The following AHCTF1 variants were observed in gnomAD, a reference collection of about 807,000 sequenced individuals.
AHCTF1 encodes the protein protein ELYS.
In AHCTF1, 24 loss-of-function variants were observed where a neutral mutation model predicts 248.4. That is an observed-to-expected ratio of 0.10 (90% CI 0.07 to 0.14). AHCTF1 has a LOEUF of 0.14. Among genes scored for constraint, AHCTF1 ranks in the 10% least tolerant of loss-of-function variants. The pLI is 1.00. For synonymous variants in AHCTF1, 786 were observed against 929.8 expected (o/e 0.85, Z 2.81); for missense variants, 2,206 against 2,636.2 (o/e 0.84, Z 3.57).
intron 33 of AHCTF1, among the ~76,000 whole-genome samples, chr1:246,844,228 G>A (rs747098665): frequency 7.2e-5 from 11 of 152,132 alleles, no homozygotes; most frequent in South Asian, 4.1e-4. Context: ...CTTTTAATCC[G>A]TACTGCTCCT....
chr1:246,857,229 C>T (rs1661171066), intron 30 of AHCTF1, among the ~76,000 whole-genome samples: 1 of 152,150 alleles, frequency 6.6e-6, no homozygotes, highest in Non-Finnish European at 1.5e-5. Flanking sequence ...GGTAAAGTGT[C>T]AATGAAAATT....
chr1:246,869,117 A>G (rs372299704), intron 24 of AHCTF1, among the ~76,000 whole-genome samples: 21 of 151,952 alleles, frequency 1.4e-4, no homozygotes, highest in African/African-American at 5.1e-4. Context: ...GTGCTGGATT[A>G]CAGGCGTGAG....
At chr1:246,905,998 T>C (rs189364695) in intron 5 of AHCTF1, among the ~76,000 whole-genome samples, 11 of 152,280 alleles carry the variant, frequency 7.2e-5, no homozygotes, top group African/African-American at 2.6e-4. Flanking sequence ...TGCATTCATG[T>C]CTGTGTAAAC....
intron 27 of AHCTF1, among the ~76,000 whole-genome samples, chr1:246,862,463 G>A (rs552867179): frequency 6.6e-6 from 1 of 150,776 alleles, no homozygotes; most frequent in Admixed American, 6.6e-5. Context: ...CTGGGCGACA[G>A]AGCAAGACTC....
At chr1:246,871,590 G>A (rs999878498) in intron 24 of AHCTF1, among the ~76,000 whole-genome samples, 6 of 152,178 alleles carry the variant, frequency 3.9e-5, no homozygotes, top group African/African-American at 1.4e-4. Context: ...GAGTTAAAGA[G>A]GCTAACAGCC....
At chr1:246,919,650 T>C (rs1160214418) in intron 1 of AHCTF1, among the ~76,000 whole-genome samples, 1 of 148,208 alleles carries the variant, frequency 6.7e-6, no homozygotes, top group Admixed American at 6.7e-5. Context: ...GAGGTGGAGG[T>C]TGCAGTGAGC....
rs994999534 is a variant in AHCTF1 at position 246,849,840 on chromosome 1, T to G, written c.6166A>C (p.Ser2056Arg). The G allele has an allele frequency of 2.5e-6, 4 of 1,613,968 alleles. No homozygotes were observed. Among genetic ancestry groups the G allele is most frequent in the Non-Finnish European group, 3.4e-6 (4 of 1,179,830 alleles). ...KKLTKKTESQ[S>R]QKRSLHSVSE... is the part of the protein sequence containing the mutation. ...ACTGAGTGCAATGAACGTTTTTGGCTTTGACTTTCAGTCTTTTTTGTAAGT... is the reference window on the plus strand; with the variant it reads ...ACTGAGTGCAATGAACGTTTTTGGCGTTGACTTTCAGTCTTTTTTGTAAGT... The change falls in exon 33 of 36, where the codon AGC (serine) becomes CGC (arginine). Residue 2056 changes from serine to arginine, a missense_variant. Transcript: ENST00000648844.
chr1:246,844,491 T>A (rs1660105229), intron 33 of AHCTF1, among the ~76,000 whole-genome samples: 1 of 152,006 alleles, frequency 6.6e-6, no homozygotes, highest in African/African-American at 2.4e-5. Context: ...GAGGCTGAGG[T>A]AGGAGGACGG....
At chr1:246,860,352 T>C (rs963700296) in intron 29 of AHCTF1, among the ~76,000 whole-genome samples, 2 of 152,246 alleles carry the variant, frequency 1.3e-5, no homozygotes, top group South Asian at 4.1e-4. Flanking sequence ...AGTCAGACTA[T>C]GGCATCTTAC....
chr1:246,922,536 C>T (rs1215779554), intron 1 of AHCTF1, among the ~76,000 whole-genome samples: 26 of 151,172 alleles, frequency 1.7e-4, no homozygotes, highest in Non-Finnish European at 2.7e-4. Context: ...AGCAATCTCT[C>T]GTCTCGTGCC....
intron 16 of AHCTF1, 119 bp from the exon 17 acceptor site, chr1:246,890,178 G>A: frequency 3.4e-6 from 2 of 584,020 alleles, no homozygotes; most frequent in South Asian, 5.0e-5. Flanking sequence ...CCACAGGGTG[G>A]GTATATTTAG....
At chr1:246,868,188 G>C (rs1662160322) in intron 24 of AHCTF1, among the ~76,000 whole-genome samples, 2 of 151,222 alleles carry the variant, frequency 1.3e-5, no homozygotes, top group South Asian at 2.1e-4. Flanking sequence ...GAGTGCAGTG[G>C]CACAATCTTG....
chr1:246,850,167 C>T lies in AHCTF1; in HGVS notation c.5839G>A (p.Asp1947Asn). The T allele has an allele frequency of 6.2e-7, 1 of 1,613,934 alleles. No individual in the cohort carries two copies. Among genetic ancestry groups the T allele is most frequent in the East Asian group, 2.2e-5 (1 of 44,880 alleles). ...RVRGREVSPS[D>N]VREDSNLESS... is the part of the protein sequence containing the mutation. The stretch of plus-strand genomic sequence containing the variant: ...TCAAGGTTGGAGTCTTCTCTCACAT[C>T]TGATGGACTAACTTCTCTCCCTCTG... The change falls in exon 33 of 36, where the codon GAT becomes AAT. Residue 1947 changes from aspartate (D) to asparagine (N), a missense_variant. Transcript: ENST00000648844.
chr1:246,858,787 G>A (rs1211926427), intron 29 of AHCTF1, among the ~76,000 whole-genome samples: 21 of 144,004 alleles, frequency 1.5e-4, no homozygotes, highest in Admixed American at 2.8e-4. Flanking sequence ...CAACAAGAGC[G>A]AAACTCTGTC....
At chr1:246,848,804 C>G (rs1329361166) in intron 33 of AHCTF1, among the ~76,000 whole-genome samples, 2 of 151,954 alleles carry the variant, frequency 1.3e-5, no homozygotes, top group East Asian at 3.9e-4. Flanking sequence ...GAGCCGAGAT[C>G]ATGCCATTGT....
At chr1:246,907,992 T>C (rs148394860) in intron 4 of AHCTF1, among the ~76,000 whole-genome samples, 19 of 152,312 alleles carry the variant, frequency 1.2e-4, no homozygotes, top group Non-Finnish European at 1.5e-4. Context: ...AAAAATTCTC[T>C]CAGTACATCT....
chr1:246,902,788 A>G, intron 7 of AHCTF1, 113 bp from the exon 8 acceptor site: 1 of 1,023,296 alleles, frequency 9.8e-7, no homozygotes, highest in Non-Finnish European at 1.4e-6. Context: ...AAAACAATTT[A>G]GACTGAAGAG....
intron 32 of AHCTF1, among the ~76,000 whole-genome samples, 165 bp from the exon 33 acceptor site, chr1:246,851,607 C>T (rs1660725526): frequency 6.6e-6 from 1 of 152,146 alleles, no homozygotes; most frequent in Admixed American, 6.5e-5. Context: ...TCCCTTTAAG[C>T]AATCAGACTT....
intron 2 of AHCTF1, among the ~76,000 whole-genome samples, chr1:246,917,430 G>A (rs1666223815): frequency 6.6e-6 from 1 of 152,160 alleles, no homozygotes; most frequent in Non-Finnish European, 1.5e-5. Context: ...TAAGAAAGTA[G>A]CATGGTACAG....
Sources: gnomAD v4.1 joint callset for allele counts (sites outside exome capture counted in the v4.1 genomes callset) on GRCh38, gnomAD v4.1.1 for gene constraint, MANE v1.5 for transcripts, NCBI Gene and HGNC (gene_info 2026-07-23, HGNC 2026-07-21) for gene names.